Variants in CEP128 observed in about 807,000 individuals in gnomAD.
The protein encoded by CEP128 is centrosomal protein 128.
CEP128 carries 132 observed loss-of-function variants against 156.7 expected under a neutral mutation model. The observed-to-expected ratio is 0.84, with a 90% CI of 0.73 to 0.97. CEP128 has a LOEUF of 0.97. Among genes scored for constraint, CEP128 ranks in the 50% least tolerant of loss-of-function variants. The pLI is 0.00. For synonymous variants in CEP128, 469 were observed against 448.9 expected (o/e 1.04, Z -0.57); for missense variants, 1,252 against 1,281.9 (o/e 0.98, Z 0.36).
At chr14:80,874,550 C>T (rs1004687773) in intron 8 of CEP128, among the ~76,000 whole-genome samples, 1 of 152,006 alleles carries the variant, frequency 6.6e-6, no homozygotes, top group Non-Finnish European at 1.5e-5. Context: ...AGTTTCACTT[C>T]CAGAAATAAC....
At chr14:80,818,686 G>A (rs547033381) in intron 13 of CEP128, among the ~76,000 whole-genome samples, 307 of 152,348 alleles carry the variant, frequency 2.0e-3, no homozygotes, top group Middle Eastern at 3.4e-3. Flanking sequence ...TTCCAAGATA[G>A]TTTCTTGCTT....
chr14:80,714,319 C>T lies in CEP128; in HGVS notation c.2806+28756G>A, dbSNP rs141244327. Among the ~76,000 whole-genome samples, 22 of 152,158 alleles carry T rather than the reference C, an allele frequency of 1.4e-4. No homozygotes were observed. In the East Asian group the frequency reaches 3.7e-3, roughly 25 times the overall value. On this transcript the variant is annotated intron_variant, in intron 19 of 24. Transcript: ENST00000555265. ...GGCAAAACACACACACATACACACA[C>T]ACACATACACACACACTTAAGGCTA...
At chr14:80,893,545 T>C (rs1465115291) in intron 8 of CEP128, among the ~76,000 whole-genome samples, 1 of 150,376 alleles carries the variant, frequency 6.6e-6, no homozygotes. Flanking sequence ...ATGACAGATA[T>C]GTTAATTTAC....
chr14:80,750,053 A>G (rs1899310424), intron 18 of CEP128, among the ~76,000 whole-genome samples: 3 of 152,216 alleles, frequency 2.0e-5, no homozygotes, highest in Non-Finnish European at 2.9e-5. Context: ...GAAAAAGAAG[A>G]CAGTTTTTCA....
chr14:80,669,378 C>T (rs1782082054), intron 19 of CEP128, among the ~76,000 whole-genome samples: 1 of 151,960 alleles, frequency 6.6e-6, no homozygotes, highest in Admixed American at 6.6e-5. Flanking sequence ...AGTAGACAAC[C>T]TGCAGAATGG....
intron 19 of CEP128, among the ~76,000 whole-genome samples, chr14:80,647,070 T>A (rs1203295701): frequency 1.3e-5 from 1 of 75,790 alleles, no homozygotes; most frequent in Non-Finnish European, 2.5e-5. Context: ...TATATATATA[T>A]ATATATATAT....
intron 14 of CEP128, among the ~76,000 whole-genome samples, chr14:80,791,130 AT>A (rs1901685045): frequency 6.6e-6 from 1 of 152,154 alleles, no homozygotes; most frequent in Non-Finnish European, 1.5e-5. Context: ...TTTTTCCAAA[AT>A]TATTTACCAT....
chr14:80,947,766 G>T (rs1177691383), intron 2 of CEP128, among the ~76,000 whole-genome samples: 3 of 152,214 alleles, frequency 2.0e-5, no homozygotes, highest in Non-Finnish European at 2.9e-5. Flanking sequence ...GGAATAGGAG[G>T]TTGGGGAGGC....
chr14:80,497,304 T>A lies in CEP128; in HGVS notation c.*175A>T. Reference sequence around the variant, plus strand: ...CATTCATGATCTGATATTATTTGGATTGGTTTACCATTCACAAGGACCAAC... The same window carrying A: ...CATTCATGATCTGATATTATTTGGAATGGTTTACCATTCACAAGGACCAAC... On this transcript the variant is annotated 3_prime_UTR_variant, in exon 25 of 25. Coordinates refer to ENST00000555265, the MANE Select transcript of CEP128 (RefSeq NM_152446.5). 1.8e-6 allele frequency: 1 copy of A among 542,730 alleles called. No individual in the cohort carries two copies. The allele number at this position is 542,730 out of a possible 1,614,324, so 33.6% of individuals were successfully genotyped here.
At chr14:80,706,576 T>G (rs141366704) in intron 19 of CEP128, among the ~76,000 whole-genome samples, 1 of 152,216 alleles carries the variant, frequency 6.6e-6, no homozygotes, top group East Asian at 1.9e-4. Context: ...GCTGTCAATA[T>G]TTTTTCTGTA....
At chr14:80,834,064 T>A (rs1885949101) in intron 12 of CEP128, among the ~76,000 whole-genome samples, 1 of 152,004 alleles carries the variant, frequency 6.6e-6, no homozygotes, top group South Asian at 2.1e-4. Flanking sequence ...GGAGGGCCAA[T>A]GGTTAGGAGA....
chr14:80,556,717 T>C (rs561296516), intron 21 of CEP128, among the ~76,000 whole-genome samples: 1 of 152,316 alleles, frequency 6.6e-6, no homozygotes, highest in African/African-American at 2.4e-5. Context: ...TGCATATTGA[T>C]AGCACCATGA....
intron 15 of CEP128, among the ~76,000 whole-genome samples, chr14:80,784,400 C>T (rs960409625): frequency 4.6e-5 from 7 of 152,018 alleles, no homozygotes; most frequent in African/African-American, 1.7e-4. Flanking sequence ...GAAACATTTC[C>T]TCAAATGCAA....
chr14:80,839,087 A>G (rs1344880524), intron 10 of CEP128, among the ~76,000 whole-genome samples: 2 of 152,178 alleles, frequency 1.3e-5, no homozygotes, highest in Admixed American at 1.3e-4. Flanking sequence ...CAACAGAGCG[A>G]GACTCCGTCT....
In CEP128 at chr14:80,914,418, G is replaced by T; in HGVS notation, c.148-10C>A. On this transcript the variant is annotated splice_polypyrimidine_tract_variant and intron_variant, in intron 3 of 24. Coordinates refer to ENST00000555265, the MANE Select transcript of CEP128 (RefSeq NM_152446.5). ...GGTTCCGACTGGTATCCTTGAGAAA[G>T]AAAATGGACTGAATTAATTATTCCA... is the stretch of plus-strand genomic sequence containing the variant. The T allele has an allele frequency of 6.3e-7, 1 of 1,597,208 alleles. No homozygotes were observed. The highest frequency in any genetic ancestry group is 8.6e-7 in the Non-Finnish European group (1 of 1,164,940).
At chr14:80,803,131 A>G (rs1453688165) in intron 13 of CEP128, among the ~76,000 whole-genome samples, 2 of 152,196 alleles carry the variant, frequency 1.3e-5, no homozygotes, top group East Asian at 1.9e-4. Context: ...TCTGTGTTCT[A>G]TTGCTCCAGA....
intron 19 of CEP128, among the ~76,000 whole-genome samples, chr14:80,737,285 T>C (rs1051210341): frequency 7.2e-5 from 11 of 152,108 alleles, no homozygotes; most frequent in African/African-American, 2.4e-4. Flanking sequence ...ACACCTGTAG[T>C]CCCAGCTACT....
chr14:80,714,182 C>G (rs1222988034), intron 19 of CEP128, among the ~76,000 whole-genome samples: 1 of 152,100 alleles, frequency 6.6e-6, no homozygotes, highest in Non-Finnish European at 1.5e-5. Flanking sequence ...ATATTCCACT[C>G]ACTAAACAAG....
intron 23 of CEP128, 32 bp from the exon 24 acceptor site, chr14:80,505,052 T>C: frequency 1.7e-6 from 2 of 1,152,636 alleles, no homozygotes; most frequent in Non-Finnish European, 2.6e-6. Flanking sequence ...ATTTCAATGA[T>C]TACACAAGGT....
Sources: gnomAD v4.1 joint callset for allele counts (sites outside exome capture counted in the v4.1 genomes callset) on GRCh38, gnomAD v4.1.1 for gene constraint, MANE v1.5 for transcripts, NCBI Gene and HGNC (gene_info 2026-07-23, HGNC 2026-07-21) for gene names.